GRIK4: variants seen among roughly 807,000 people sequenced by gnomAD.
GRIK4 encodes glutamate ionotropic receptor kainate type subunit 4.
Under a neutral mutation model 104.9 loss-of-function variants are expected in GRIK4, and 40 were observed. The ratio of observed to expected loss-of-function variants is 0.38; its 90% CI spans 0.30 to 0.50. The LOEUF is 0.50. Ranked by LOEUF, GRIK4 falls within the 20% of genes least tolerant of loss-of-function variation. GRIK4 has a pLI of 0.93. For synonymous variants in GRIK4, 485 were observed against 524.9 expected (o/e 0.92, Z 1.04); for missense variants, 1,047 against 1,308.1 (o/e 0.80, Z 3.08).
chr11:120,565,403 T>TA (rs1948309249), intron 1 of GRIK4, among the ~76,000 whole-genome samples: 1 of 152,238 alleles, frequency 6.6e-6, no homozygotes, highest in African/African-American at 2.4e-5. Flanking sequence ...GACAAGTTGT[T>TA]ACAACTGCAG....
chr11:120,521,034 C>G (rs530589435), intron 1 of GRIK4, among the ~76,000 whole-genome samples: 1 of 152,160 alleles, frequency 6.6e-6, no homozygotes, highest in Non-Finnish European at 1.5e-5. Context: ...GTCAGCACAA[C>G]TCTGCCCTTA....
chr11:120,778,827 G>A (rs1443070474), intron 3 of GRIK4, among the ~76,000 whole-genome samples: 2 of 152,336 alleles, frequency 1.3e-5, no homozygotes, highest in African/African-American at 2.4e-5. Flanking sequence ...GGATGCCTTT[G>A]TTTGGCTCAG....
intron 11 of GRIK4, among the ~76,000 whole-genome samples, chr11:120,896,876 T>A (rs1942597275): frequency 6.6e-6 from 1 of 152,186 alleles, no homozygotes; most frequent in South Asian, 2.1e-4. Context: ...TGTGTGCATT[T>A]CATTGCGTTT....
At chr11:120,673,327 G>A (rs968208125) in intron 3 of GRIK4, among the ~76,000 whole-genome samples, 1 of 152,196 alleles carries the variant, frequency 6.6e-6, no homozygotes, top group Non-Finnish European at 1.5e-5. Flanking sequence ...CTTTACATTT[G>A]AAAGCTTTTG....
At chr11:120,730,083 G>C (rs151118391) in intron 3 of GRIK4, among the ~76,000 whole-genome samples, 1 of 152,084 alleles carries the variant, frequency 6.6e-6, no homozygotes, top group Non-Finnish European at 1.5e-5. Context: ...GGTGGGGCAC[G>C]GTGTCTCATG....
At chr11:120,595,135 C>G (rs567642234) in intron 1 of GRIK4, among the ~76,000 whole-genome samples, 6 of 152,362 alleles carry the variant, frequency 3.9e-5, no homozygotes, top group Admixed American at 2.6e-4. Flanking sequence ...TGAGCACATC[C>G]TAACCAGTAT....
rs1172477033 is a variant in GRIK4, at chr11:120,802,923, C to G, written c.247+66C>G. ...GAGGATGGATGAGCAGTGGTGTGAG[C>G]TGCACCTATCAGTCACCAGGCCTCT... On this transcript the variant is annotated intron_variant, in intron 4 of 20. Transcript: ENST00000527524. The G allele has an allele frequency of 8.8e-6, 12 of 1,357,332 alleles. No individual in the cohort carries two copies. In the South Asian group the frequency reaches 1.5e-4, roughly 17 times the overall value. The allele number at this position is 1,357,332 out of a possible 1,614,324, so 84.1% of individuals were successfully genotyped here.
At chr11:120,572,388 G>A (rs1379749685) in intron 1 of GRIK4, among the ~76,000 whole-genome samples, 3 of 152,194 alleles carry the variant, frequency 2.0e-5, no homozygotes, top group Non-Finnish European at 4.4e-5. Context: ...GAATCGGGCA[G>A]GTCAGGGAGT....
At chr11:120,546,429 C>T (rs1948086014) in intron 1 of GRIK4, among the ~76,000 whole-genome samples, 1 of 152,164 alleles carries the variant, frequency 6.6e-6, no homozygotes, top group African/African-American at 2.4e-5. Context: ...CCGCGCCTGC[C>T]TGTGTCCTTC....
chr11:120,860,120 C>G (rs1287315707), intron 8 of GRIK4, among the ~76,000 whole-genome samples: 1 of 152,348 alleles, frequency 6.6e-6, no homozygotes, highest in South Asian at 2.1e-4. Flanking sequence ...TCTGTCATGT[C>G]AGGCTGAGTG....
At position 120,875,238 on chromosome 11, in the gene GRIK4, C is replaced by G; in HGVS notation, c.1159C>G (p.Arg387Gly). ...KILQFTRNGFRQIGQWHVAEG... is the reference protein window; with the variant it reads ...KILQFTRNGFGQIGQWHVAEG... ...CTTACAGTTCACAAGGAATGGTTTT[C>G]GGCAGGTAAGCCTAGCTGCACCGTG... Residue 387 changes from arginine (R) to glycine (G), a missense_variant, in exon 11 of 21, where the codon CGG becomes GGG. Coordinates refer to ENST00000527524, the MANE Select transcript of GRIK4 (RefSeq NM_014619.5). The G allele has an allele frequency of 6.2e-7, 1 of 1,603,178 alleles. No individual in the cohort carries two copies. Among genetic ancestry groups the G allele is most frequent in the Non-Finnish European group, 8.5e-7 (1 of 1,170,026 alleles).
At chr11:120,764,120 G>A (rs1419840818) in intron 3 of GRIK4, among the ~76,000 whole-genome samples, 2 of 152,144 alleles carry the variant, frequency 1.3e-5, no homozygotes, top group African/African-American at 4.8e-5. Context: ...TTATGAATCT[G>A]GGTGCTCCTG....
intron 9 of GRIK4, chr11:120,871,638 G>A (rs1954613047): frequency 2.2e-6 from 1 of 456,300 alleles, no homozygotes; most frequent in Non-Finnish European, 4.4e-6. Flanking sequence ...GAGCAGGGGA[G>A]GCAGGAGACT....
At chr11:120,577,382 T>C (rs1948499068) in intron 1 of GRIK4, among the ~76,000 whole-genome samples, 1 of 151,642 alleles carries the variant, frequency 6.6e-6, no homozygotes, top group African/African-American at 2.4e-5. Context: ...GGAGATCTCT[T>C]GGGTTAGAAG....
rs869135246 is a variant in GRIK4, at chr11:120,750,350, CTTTT to C, written c.83-52322_83-52319del. ...AAAGGGATCTACAAACTAGAAATCT[CTTTT>C]TTTTTTTTTTTTTTTTTTTTGGAGG... On this transcript the variant is annotated intron_variant, in intron 3 of 20. Coordinates refer to ENST00000527524, the MANE Select transcript of GRIK4 (RefSeq NM_014619.5). Among the ~76,000 whole-genome samples, 244 of 76,130 alleles carry C rather than the reference CTTTT, an allele frequency of 3.2e-3. 1 individual carries two copies. In the Middle Eastern group the frequency reaches 0.035, roughly 11 times the overall value. 49.9% of individuals were successfully genotyped at this position (76,130 alleles called of 152,430 possible).
At chr11:120,810,001 T>C (rs1022414237) in intron 4 of GRIK4, among the ~76,000 whole-genome samples, 2 of 152,174 alleles carry the variant, frequency 1.3e-5, no homozygotes, top group African/African-American at 4.8e-5. Flanking sequence ...GGGGTTCAAG[T>C]CTGCAGTGAG....
Position 120,953,546 on chromosome 11 carries a change from A to G in GRIK4, c.1700+582A>G, listed in dbSNP as rs1944059390. ...CCATGGAGGCTGCTGGCGGGTGGCA[A>G]GGAGACGGGATGGAGAGAGGCGTTT... On this transcript the variant is annotated intron_variant, in intron 15 of 20. Coordinates refer to ENST00000527524, the MANE Select transcript of GRIK4 (RefSeq NM_014619.5). The surrounding 1 kb of genome is among the most constrained non-coding windows in gnomAD (Gnocchi z 4.9). Among the ~76,000 whole-genome samples, 2 of 152,160 alleles carry G rather than the reference A, an allele frequency of 1.3e-5. 1 individual carries two copies. Among genetic ancestry groups the G allele is most frequent in the South Asian group, 4.2e-4 (2 of 4,818 alleles).
At chr11:120,764,657 A>G (rs1288644892) in intron 3 of GRIK4, among the ~76,000 whole-genome samples, 1 of 151,202 alleles carries the variant, frequency 6.6e-6, no homozygotes, top group Non-Finnish European at 1.5e-5. Flanking sequence ...CCTGGTGGTG[A>G]TAAAATCCCT....
chr11:120,837,587 G>A (rs1953606851), intron 8 of GRIK4, among the ~76,000 whole-genome samples: 1 of 152,008 alleles, frequency 6.6e-6, no homozygotes, highest in African/African-American at 2.4e-5. Flanking sequence ...AAGCACACCT[G>A]TGTAAGCAGC....
Sources: gnomAD v4.1 joint callset for allele counts (sites outside exome capture counted in the v4.1 genomes callset) on GRCh38, gnomAD v4.1.1 for gene constraint, Gnocchi (gnomAD v3.1) non-coding constraint, MANE v1.5 for transcripts, NCBI Gene and HGNC (gene_info 2026-07-23, HGNC 2026-07-21) for gene names.